PTPN4: variants seen among roughly 807,000 people sequenced by gnomAD.
PTPN4 encodes protein tyrosine phosphatase non-receptor type 4.
PTPN4 carries 49 observed loss-of-function variants against 135.5 expected under a neutral mutation model. That is an observed-to-expected ratio of 0.36 (90% CI 0.29 to 0.46). PTPN4 has a LOEUF of 0.46. Among genes scored for constraint, PTPN4 ranks in the 20% least tolerant of loss-of-function variants. The pLI is 1.00. For missense variants in PTPN4, 860 were observed against 1,101.0 expected, an observed-to-expected ratio of 0.78 and a Z score of 3.10; for synonymous variants, 333 against 369.9, an observed-to-expected ratio of 0.90 and a Z score of 1.14.
At chr2:119,848,301 G>A (rs901939427) in intron 2 of PTPN4, among the ~76,000 whole-genome samples, 1 of 151,586 alleles carries the variant, frequency 6.6e-6, no homozygotes, top group Admixed American at 6.6e-5. Context: ...AGCCTCCCGA[G>A]TAACTGGGAC....
chr2:119,868,728 G>A (rs893245166), intron 3 of PTPN4, among the ~76,000 whole-genome samples: 7 of 152,068 alleles, frequency 4.6e-5, no homozygotes, highest in African/African-American at 1.7e-4. Flanking sequence ...CTTTAATTCG[G>A]CCCATCCCTT....
At chr2:119,867,622 C>G (rs1173900049) in intron 3 of PTPN4, among the ~76,000 whole-genome samples, 1 of 151,968 alleles carries the variant, frequency 6.6e-6, no homozygotes, top group East Asian at 1.9e-4. Flanking sequence ...TCACTTAATT[C>G]TAGTAGCTTT....
chr2:119,831,279 T>G (rs1264041283), intron 2 of PTPN4, among the ~76,000 whole-genome samples: 1 of 152,154 alleles, frequency 6.6e-6, no homozygotes, highest in African/African-American at 2.4e-5. Flanking sequence ...ACCTCCTGCT[T>G]TGTGGCCTGG....
In PTPN4 at chr2:119,960,952, G is replaced by A. The variant is rs1679356568; in HGVS notation, c.2279G>A (p.Arg760Lys). 5 of 1,611,084 alleles carry A rather than the reference G, an allele frequency of 3.1e-6. No homozygotes were observed. The highest frequency in any genetic ancestry group is 4.2e-6 in the Non-Finnish European group (5 of 1,179,208). ...TTGACCACACAAGTTGAACGTGGCA[G>A]AGTAAGTCATAGTTGAATCTTACAC... Reference protein sequence around the residue: ...VMLTTQVERGRVKCHQYWPEP... With the variant: ...VMLTTQVERGKVKCHQYWPEP... The change falls in exon 23 of 27, where the codon AGA (arginine) becomes AAA (lysine). Residue 760 changes from arginine to lysine, a missense_variant and splice_region_variant. Physicochemically the swap from Arg to Lys is conservative, Grantham distance 26. Coordinates refer to ENST00000263708, the MANE Select transcript of PTPN4 (RefSeq NM_002830.4).
chr2:119,833,407 C>G (rs895075114), intron 2 of PTPN4, among the ~76,000 whole-genome samples: 24 of 151,952 alleles, frequency 1.6e-4, no homozygotes, highest in Admixed American at 3.3e-4. Flanking sequence ...ATTATTTTAG[C>G]TTAATAAATA....
chr2:119,774,342 A>G (rs1690791941), intron 1 of PTPN4, among the ~76,000 whole-genome samples: 2 of 152,220 alleles, frequency 1.3e-5, no homozygotes, highest in South Asian at 2.1e-4. Context: ...TTCAAGAGAA[A>G]TGAATCCAGG....
chr2:119,875,956 G>C (rs907324991), intron 3 of PTPN4, among the ~76,000 whole-genome samples: 1 of 152,164 alleles, frequency 6.6e-6, no homozygotes, highest in African/African-American at 2.4e-5. Flanking sequence ...CTTTTGGTAG[G>C]GTGGTCAGTT....
intron 1 of PTPN4, among the ~76,000 whole-genome samples, chr2:119,809,187 A>G (rs1398177561): frequency 2.0e-5 from 3 of 151,722 alleles, no homozygotes; most frequent in Non-Finnish European, 4.4e-5. Context: ...ATTGTCTTTA[A>G]ACATCTAGTA....
chr2:119,831,940 A>G (rs1221494998), intron 2 of PTPN4, among the ~76,000 whole-genome samples: 1 of 152,208 alleles, frequency 6.6e-6, no homozygotes, highest in Non-Finnish European at 1.5e-5. Context: ...ACGTCATAGT[A>G]AGTTCTCAAC....
At chr2:119,878,348 C>T (rs534539789) in intron 5 of PTPN4, among the ~76,000 whole-genome samples, 3 of 152,148 alleles carry the variant, frequency 2.0e-5, no homozygotes, top group African/African-American at 7.2e-5. Flanking sequence ...TTTACAAAGA[C>T]AGTTAAAAAT....
intron 3 of PTPN4, among the ~76,000 whole-genome samples, chr2:119,875,622 T>C (rs1479509118): frequency 1.3e-5 from 2 of 152,210 alleles, no homozygotes; most frequent in Admixed American, 1.3e-4. Flanking sequence ...CCCCCAGCTA[T>C]TGAGTCATTC....
chr2:119,877,743 A>G (rs908016782), intron 5 of PTPN4, among the ~76,000 whole-genome samples: 1 of 152,310 alleles, frequency 6.6e-6, no homozygotes, highest in African/African-American at 2.4e-5. Context: ...TTAGAACCTC[A>G]GGGCTGCCCA....
chr2:119,930,734 A>G (rs960086220), intron 13 of PTPN4, among the ~76,000 whole-genome samples: 1 of 152,120 alleles, frequency 6.6e-6, no homozygotes, highest in East Asian at 1.9e-4. Flanking sequence ...TTCAAACTTC[A>G]TGAGATCATT....
rs1057133494 is a variant in PTPN4 at position 119,980,218 on chromosome 2, A to G, written c.*3148A>G. 5.3e-5 allele frequency: 8 copies of G among 152,106 alleles called. No individual in the cohort carries two copies. Among genetic ancestry groups the G allele is most frequent in the Non-Finnish European group, 1.0e-4 (7 of 67,940 alleles). 9.4% of individuals were successfully genotyped at this position (152,106 alleles called of 1,614,324 possible). On this transcript the variant is annotated 3_prime_UTR_variant, in exon 27 of 27. Coordinates refer to ENST00000263708, the MANE Select transcript of PTPN4 (RefSeq NM_002830.4). The stretch of plus-strand genomic sequence containing the variant: ...TTAAGACATTAAGACAATTGCTGGA[A>G]GGTTTCAAATATGTGTACACACACA...
At chr2:119,835,341 C>T (rs1321529853) in intron 2 of PTPN4, among the ~76,000 whole-genome samples, 3 of 152,046 alleles carry the variant, frequency 2.0e-5, no homozygotes, top group African/African-American at 4.8e-5. Context: ...TCTGCCACCG[C>T]GCCCAGCTAA....
At chr2:119,910,372 C>T (rs995099059) in intron 10 of PTPN4, among the ~76,000 whole-genome samples, 11 of 152,092 alleles carry the variant, frequency 7.2e-5, no homozygotes, top group African/African-American at 1.4e-4. Context: ...TCACAGTATT[C>T]GCTTTAGTAG....
At position 119,793,962 on chromosome 2, in the gene PTPN4, C is replaced by A. The variant is rs142679016; in HGVS notation, c.-17-15875C>A. ...CCTCGAACTCCTGGGTTCAAGTGAT[C>A]CTCCTATCTCAACTGGGATTACAGG... On this transcript the variant is annotated intron_variant, in intron 1 of 26. Transcript: ENST00000263708. Among the ~76,000 whole-genome samples, 461 of 137,714 alleles carry A rather than the reference C, an allele frequency of 3.3e-3. 1 individual carries two copies. The highest frequency in any genetic ancestry group is 0.012 in the African/African-American group (437 of 37,008). 90.3% of individuals were successfully genotyped at this position (137,714 alleles called of 152,430 possible).
chr2:119,869,914 G>T (rs969671132), intron 3 of PTPN4, among the ~76,000 whole-genome samples: 5 of 152,220 alleles, frequency 3.3e-5, no homozygotes, highest in African/African-American at 1.2e-4. Context: ...AGGTGTTGAA[G>T]AGGAAAGATT....
intron 26 of PTPN4, 74 bp downstream of exon 26, chr2:119,968,046 C>T (rs1679470864): frequency 1.7e-6 from 2 of 1,174,058 alleles, no homozygotes; most frequent in Non-Finnish European, 2.3e-6. Context: ...TATTCTAAAT[C>T]ATATTTTTAT....
Sources: gnomAD v4.1 joint callset for allele counts (sites outside exome capture counted in the v4.1 genomes callset) on GRCh38, gnomAD v4.1.1 for gene constraint, MANE v1.5 for transcripts, NCBI Gene and HGNC (gene_info 2026-07-23, HGNC 2026-07-21) for gene names.